KANSL1: variants seen among roughly 807,000 people sequenced by gnomAD.
KANSL1 encodes MLL1/MLL complex subunit KANSL1.
KANSL1 carries 22 observed loss-of-function variants against 103.6 expected under a neutral mutation model. That is an observed-to-expected ratio of 0.21 (90% CI 0.15 to 0.30). The LOEUF is 0.30. Among genes scored for constraint, KANSL1 ranks in the 10% least tolerant of loss-of-function variants. The probability of loss-of-function intolerance (pLI) is 1.00; values close to 1 mark genes in which losing one functional copy is unlikely to be tolerated. For synonymous variants in KANSL1, 600 were observed against 527.6 expected (o/e 1.14, Z -1.88); for missense variants, 1,337 against 1,399.8 (o/e 0.96, Z 0.72).
intron 1 of KANSL1, among the ~76,000 whole-genome samples, chr17:46,180,291 T>A (rs1035713473): frequency 1.3e-4 from 19 of 148,842 alleles, no homozygotes; most frequent in African/African-American, 4.7e-4. Context: ...AGGTCAGGAG[T>A]TTGAAACCAG....
chr17:46,209,961 T>G (rs1216772354), intron 1 of KANSL1, among the ~76,000 whole-genome samples: 1 of 152,218 alleles, frequency 6.6e-6, no homozygotes, highest in African/African-American at 2.4e-5. Flanking sequence ...AGGTACTCAA[T>G]AAGTATGTGC....
intron 10 of KANSL1, 28 bp downstream of exon 10, chr17:46,038,510 G>A: frequency 6.2e-7 from 1 of 1,611,048 alleles, no homozygotes; most frequent in Non-Finnish European, 8.5e-7. Context: ...CAGAGGGGGT[G>A]TCCGGCCAAC....
chr17:46,087,448 T>C (rs987138849), intron 3 of KANSL1, among the ~76,000 whole-genome samples: 1 of 152,214 alleles, frequency 6.6e-6, no homozygotes, highest in Non-Finnish European at 1.5e-5. Context: ...GTAAGAGTCA[T>C]TCATGCAGGT....
chr17:46,055,906 T>G (rs930855868), intron 6 of KANSL1, among the ~76,000 whole-genome samples: 3 of 152,182 alleles, frequency 2.0e-5, no homozygotes, highest in African/African-American at 7.2e-5. Context: ...TTTCAACAAA[T>G]GAATCAGGAA....
chr17:46,070,992 G>A (rs1178455278), intron 4 of KANSL1, among the ~76,000 whole-genome samples: 1 of 152,092 alleles, frequency 6.6e-6, no homozygotes, highest in Admixed American at 6.6e-5. Context: ...GTCTAAAGAA[G>A]AATATGTCAA....
chr17:46,122,961 A>G (rs1046226541), intron 2 of KANSL1, among the ~76,000 whole-genome samples: 1 of 152,250 alleles, frequency 6.6e-6, no homozygotes, highest in Non-Finnish European at 1.5e-5. Flanking sequence ...AATTAGGCCA[A>G]TTAGTAACTC....
rs2047417683 is a variant in KANSL1 at position 46,192,911 on chromosome 17, C to G, written c.-178G>C. 2 of 152,080 alleles carry G rather than the reference C, an allele frequency of 1.3e-5. No individual in the cohort carries two copies. Among genetic ancestry groups the G allele is most frequent in the Non-Finnish European group, 2.9e-5 (2 of 68,064 alleles). The allele number at this position is 152,080 out of a possible 1,614,324, so 9.4% of individuals were successfully genotyped here. A position where few individuals can be genotyped will look rare whatever the true frequency, so the allele number is the denominator to read the frequency against. On this transcript the variant is annotated 5_prime_UTR_variant, in exon 1 of 15. Transcript: ENST00000432791. ...AGCCCCCCGGCCTGGGCGCCGAGGG[C>G]CAGCGGCGGGCGGGGGCGCGCGACG...
At chr17:46,032,901 C>T (rs1014713436) in intron 13 of KANSL1, 179 bp downstream of exon 13, 9 of 591,876 alleles carry the variant, frequency 1.5e-5, no homozygotes, top group East Asian at 2.8e-5. Context: ...TCCACTAGTT[C>T]CATGTATCTC....
intron 3 of KANSL1, chr17:46,094,273 T>C (rs1247464177): frequency 1.4e-5 from 5 of 363,506 alleles, no homozygotes; most frequent in African/African-American, 4.4e-5. Context: ...ATTTTTGTAA[T>C]TTTTGTAAAG....
At chr17:46,152,776 C>T (rs2045191562) in intron 2 of KANSL1, 1 of 152,022 alleles carries the variant, frequency 6.6e-6, no homozygotes, top group Admixed American at 6.5e-5. Context: ...ATCCAAGTAG[C>T]CCTTTTAAAA....
intron 6 of KANSL1, among the ~76,000 whole-genome samples, chr17:46,054,182 A>T (rs2077831619): frequency 6.6e-6 from 1 of 152,130 alleles, no homozygotes; most frequent in African/African-American, 2.4e-5. Flanking sequence ...CCTACCAAGT[A>T]GCTGGGATTG....
chr17:46,221,127 C>A (rs1321679439), intron 1 of KANSL1: 2 of 150,928 alleles, frequency 1.3e-5, no homozygotes, highest in African/African-American at 4.9e-5. Context: ...ACTTAACTGT[C>A]TGCCTTGCAG....
At chr17:46,169,875 C>T (rs2147717657) in intron 2 of KANSL1, among the ~76,000 whole-genome samples, 1 of 152,264 alleles carries the variant, frequency 6.6e-6, no homozygotes, top group South Asian at 2.1e-4. Context: ...CTCAAACCAA[C>T]AGATTTAGAA....
chr17:46,217,085 T>G (rs1475779297), intron 1 of KANSL1, among the ~76,000 whole-genome samples: 1 of 140,948 alleles, frequency 7.1e-6, no homozygotes, highest in Non-Finnish European at 1.5e-5. Context: ...CACTCCAGCC[T>G]GAATGACAAA....
chr17:46,040,135 G>T, intron 7 of KANSL1: 1 of 424,390 alleles, frequency 2.4e-6, no homozygotes, highest in Non-Finnish European at 4.1e-6. Flanking sequence ...TTTGGTTGAT[G>T]GAGTTTTTGT....
intron 2 of KANSL1, among the ~76,000 whole-genome samples, chr17:46,112,305 T>C (rs1489817779): frequency 7.2e-6 from 1 of 138,656 alleles, no homozygotes; most frequent in Non-Finnish European, 1.5e-5. Flanking sequence ...GAGGTGAAGG[T>C]TGCAGTGAGC....
chr17:46,149,736 G>T (rs186456467), intron 2 of KANSL1, among the ~76,000 whole-genome samples: 1 of 152,090 alleles, frequency 6.6e-6, no homozygotes, highest in Non-Finnish European at 1.5e-5. Context: ...GGCTGGGCAC[G>T]GTGGCTCACG....
intron 3 of KANSL1, chr17:46,093,571 T>C (rs1232032621): frequency 5.9e-5 from 9 of 152,652 alleles, no homozygotes; most frequent in Non-Finnish European, 1.3e-4. Flanking sequence ...AATGATTAGA[T>C]AGCCCACAGA....
At chr17:46,075,442 T>G (rs973418607) in intron 4 of KANSL1, among the ~76,000 whole-genome samples, 1 of 151,566 alleles carries the variant, frequency 6.6e-6, no homozygotes, top group African/African-American at 2.4e-5. Context: ...GTTCAAGTGA[T>G]TCTTGTGCCT....
Sources: allele counts gnomAD v4.1 joint callset (sites outside exome capture counted in the v4.1 genomes callset), GRCh38; gene constraint gnomAD v4.1.1; transcripts MANE v1.5; gene names NCBI Gene and HGNC (gene_info 2026-07-23, HGNC 2026-07-21).